DSTN: variants seen among roughly 807,000 people sequenced by gnomAD.
DSTN encodes destrin.
In DSTN, 10 loss-of-function variants were observed where a neutral mutation model predicts 16.8. The observed-to-expected ratio is 0.60, with a 90% CI of 0.37 to 1.01. The LOEUF is 1.01. DSTN is among the 50% of genes least tolerant of loss of function. The pLI is 0.01. For missense variants in DSTN, 141 were observed against 196.7 expected, an observed-to-expected ratio of 0.72 and a Z score of 1.69; for synonymous variants, 57 against 58.9, an observed-to-expected ratio of 0.97 and a Z score of 0.14.
At chr20:17,576,758 T>C (rs1216018496) in intron 1 of DSTN, among the ~76,000 whole-genome samples, 1 of 152,224 alleles carries the variant, frequency 6.6e-6, no homozygotes, top group Non-Finnish European at 1.5e-5. Flanking sequence ...TTTACATTAC[T>C]TCATAGGTTG....
chr20:17,579,871 C>T (rs1413150636), intron 1 of DSTN, among the ~76,000 whole-genome samples: 2 of 152,218 alleles, frequency 1.3e-5, no homozygotes, highest in African/African-American at 2.4e-5. Flanking sequence ...CCTGGGCTGT[C>T]AATGCATGGA....
Position 17,578,881 on chromosome 20 carries a change from G to C in DSTN, c.3+8670G>C, listed in dbSNP as rs1394269874. ...GAGGCTGAGGCAGGAGAATCACTTG[G>C]ACTTGGGAGGTGCAGGTGGCAGTGA... On this transcript the variant is annotated intron_variant, in intron 1 of 3. Transcript: ENST00000246069. Among the ~76,000 whole-genome samples the C allele has an allele frequency of 2.0e-5, 3 of 147,208 alleles. No individual in the cohort carries two copies. The East Asian group carries it at 6.3e-4, about 31-fold the overall frequency.
intron 1 of DSTN, among the ~76,000 whole-genome samples, chr20:17,590,278 A>G (rs1173371854): frequency 6.6e-6 from 1 of 152,198 alleles, no homozygotes; most frequent in East Asian, 1.9e-4. Flanking sequence ...GTGAGTGAGT[A>G]GTAACATTTT....
chr20:17,575,464 ATTT>A (rs201071241), intron 1 of DSTN, among the ~76,000 whole-genome samples: 4 of 141,912 alleles, frequency 2.8e-5, no homozygotes, highest in Admixed American at 7.1e-5. Context: ...TTGTGAAAGC[ATTT>A]TTTTTTTTTT....
rs747759144 is a variant in DSTN, at chr20:17,600,902, G to A, written c.168G>A (p.Leu56=). The change falls in exon 2 of 4, where the codon TTG becomes TTA. Residue 56 remains leucine (L), a synonymous_variant. Coordinates refer to ENST00000246069, the MANE Select transcript of DSTN (RefSeq NM_006870.4). ...TTGTAGAAGAAGGCAAAGAGATCTT[G>A]GTTGGAGATGTTGGTGTAACCATAA... ...CIIVEEGKEI[L]VGDVGVTITD... is the part of the protein sequence containing the mutation. 2 of 1,613,918 alleles carry A rather than the reference G, an allele frequency of 1.2e-6. No homozygotes were observed. The highest frequency in any genetic ancestry group is 1.7e-6 in the Non-Finnish European group (2 of 1,179,890).
chr20:17,574,865 C>CTTTTCTTTTCTTTT (rs1354147534), intron 1 of DSTN, among the ~76,000 whole-genome samples: 3 of 64,268 alleles, frequency 4.7e-5, no homozygotes, highest in African/African-American at 1.8e-4. Context: ...CTTTTCTTTT[C>CTTTTCTTTTCTTTT]TTTTGTTTTT....
rs1325599921 is a variant in DSTN, at chr20:17,608,488, G to A, written c.*1342G>A. 6.6e-6 allele frequency: 1 copy of A among 151,956 alleles called. No homozygotes were observed. Among genetic ancestry groups the A allele is most frequent in the Non-Finnish European group, 1.5e-5 (1 of 68,024 alleles). The allele number at this position is 151,956 out of a possible 1,614,324, so 9.4% of individuals were successfully genotyped here. ...TACTAAAAATAAACAAAATTAGCCG[G>A]GTGTGGTGGTGCACGTCAGTAGTCC... On this transcript the variant is annotated 3_prime_UTR_variant, in exon 4 of 4. Coordinates refer to ENST00000246069, the MANE Select transcript of DSTN (RefSeq NM_006870.4).
intron 1 of DSTN, among the ~76,000 whole-genome samples, chr20:17,579,955 A>G (rs181657514): frequency 2.0e-5 from 3 of 152,354 alleles, no homozygotes; most frequent in Admixed American, 2.0e-4. Flanking sequence ...CCAACTGGAT[A>G]TATCTTTAGA....
rs2035668991 is a variant in DSTN at position 17,608,759 on chromosome 20, TAGAGA to T, written c.*1615_*1619del. The T allele has an allele frequency of 6.6e-6, 1 of 151,940 alleles. No homozygotes were observed. The highest frequency in any genetic ancestry group is 2.4e-5 in the African/African-American group (1 of 41,364). 9.4% of individuals were successfully genotyped at this position (151,940 alleles called of 1,614,324 possible). On this transcript the variant is annotated 3_prime_UTR_variant, in exon 4 of 4. Coordinates refer to ENST00000246069, the MANE Select transcript of DSTN (RefSeq NM_006870.4). ...AAATTCACATTTAAAATTTAGAAAATAGAGAAAAGGGAAATTATACATTGTCCTAC... is the reference window on the plus strand; with the variant it reads ...AAATTCACATTTAAAATTTAGAAAATAAAGGGAAATTATACATTGTCCTAC...
At chr20:17,585,748 A>T (rs2035400334) in intron 1 of DSTN, among the ~76,000 whole-genome samples, 1 of 152,114 alleles carries the variant, frequency 6.6e-6, no homozygotes, top group African/African-American at 2.4e-5. Flanking sequence ...AAAATTCCTC[A>T]TTAATCCCTC....
At chr20:17,606,343 G>C (rs2035642717) in intron 3 of DSTN, among the ~76,000 whole-genome samples, 2 of 152,216 alleles carry the variant, frequency 1.3e-5, no homozygotes, top group Non-Finnish European at 2.9e-5. Context: ...CATTGTGGTA[G>C]TGTAATTGTT....
At chr20:17,583,717 C>CT (rs992725975) in intron 1 of DSTN, among the ~76,000 whole-genome samples, 1 of 122,142 alleles carries the variant, frequency 8.2e-6, no homozygotes, top group African/African-American at 2.9e-5. Flanking sequence ...GGAATGACTG[C>CT]TAATGGGTTT....
chr20:17,585,801 GT>G (rs1468471207), intron 1 of DSTN, among the ~76,000 whole-genome samples: 2 of 152,004 alleles, frequency 1.3e-5, no homozygotes, highest in Non-Finnish European at 2.9e-5. Flanking sequence ...TGTCTCTATA[GT>G]TTTACCTTTG....
At chr20:17,574,288 G>A (rs898523714) in intron 1 of DSTN, among the ~76,000 whole-genome samples, 2 of 152,024 alleles carry the variant, frequency 1.3e-5, no homozygotes, top group Non-Finnish European at 2.9e-5. Flanking sequence ...TTCTTTCCAG[G>A]CCCCTTAGCC....
intron 2 of DSTN, among the ~76,000 whole-genome samples, chr20:17,601,514 C>T (rs927707524): frequency 6.6e-6 from 1 of 152,092 alleles, no homozygotes; most frequent in Non-Finnish European, 1.5e-5. Context: ...TACAGTTGCA[C>T]TGTTTAGTAG....
rs2035480526 is a variant in DSTN, at chr20:17,592,555, T to C, written c.4-8183T>C. 3.3e-5 allele frequency among the ~76,000 whole-genome samples: 5 copies of C among 152,100 alleles called. No homozygotes were observed. The South Asian group carries it at 8.3e-4, about 25-fold the overall frequency. On this transcript the variant is annotated intron_variant, in intron 1 of 3. Transcript: ENST00000246069. ...CATGGTATAATAAATTTAAGTATATTCATTAAATCTAACATATACTATACC... is the reference window on the plus strand; with the variant it reads ...CATGGTATAATAAATTTAAGTATATCCATTAAATCTAACATATACTATACC...
At chr20:17,580,846 G>GCT in intron 1 of DSTN, among the ~76,000 whole-genome samples, 1 of 152,260 alleles carries the variant, frequency 6.6e-6, no homozygotes, top group South Asian at 2.1e-4. Flanking sequence ...TGGCAATAAA[G>GCT]AGCTAGCTAT....
chr20:17,570,185 G>A lies in DSTN; in HGVS notation c.-24G>A. Reference sequence around the variant, plus strand: ...GCTGCCCGCCGGCTCCCTCCCCCGCGTCCCTGCGACCGCCGCGGCGAAGAT... The same window carrying A: ...GCTGCCCGCCGGCTCCCTCCCCCGCATCCCTGCGACCGCCGCGGCGAAGAT... On this transcript the variant is annotated 5_prime_UTR_variant, in exon 1 of 4. Coordinates refer to ENST00000246069, the MANE Select transcript of DSTN (RefSeq NM_006870.4). 6.6e-7 allele frequency: 1 copy of A among 1,519,690 alleles called. No individual in the cohort carries two copies. Among genetic ancestry groups the A allele is most frequent in the Non-Finnish European group, 8.8e-7 (1 of 1,137,468 alleles). 94.1% of individuals were successfully genotyped at this position (1,519,690 alleles called of 1,614,324 possible). A position where few individuals can be genotyped will look rare whatever the true frequency, so the allele number is the denominator to read the frequency against.
At chr20:17,592,310 C>A (rs747012871) in intron 1 of DSTN, among the ~76,000 whole-genome samples, 3 of 151,622 alleles carry the variant, frequency 2.0e-5, no homozygotes, top group Non-Finnish European at 4.4e-5. Flanking sequence ...ACCTCTAGTC[C>A]CAGCTACTCA....
Sources: gnomAD v4.1 joint callset for allele counts (sites outside exome capture counted in the v4.1 genomes callset) on GRCh38, gnomAD v4.1.1 for gene constraint, MANE v1.5 for transcripts, NCBI Gene and HGNC (gene_info 2026-07-23, HGNC 2026-07-21) for gene names.